Variants in MAPK8 observed in about 807,000 individuals in gnomAD.
MAPK8 encodes the protein mitogen-activated protein kinase 8, also known as JUN N-terminal kinase.
MAPK8 carries 13 observed loss-of-function variants against 52.9 expected under a neutral mutation model. The ratio of observed to expected loss-of-function variants is 0.25; its 90% CI spans 0.16 to 0.39. The LOEUF (loss-of-function observed/expected upper bound fraction) is 0.39, where lower values mean the gene tolerates loss of function less well. MAPK8 is among the 10% of genes least tolerant of loss of function. The probability of loss-of-function intolerance (pLI) is 1.00; values close to 1 mark genes in which losing one functional copy is unlikely to be tolerated. For missense variants in MAPK8, 300 were observed against 519.2 expected (o/e 0.58, Z 4.10); for synonymous variants, 191 against 169.8 (o/e 1.12, Z -0.97).
chr10:48,368,784 C>T (rs759377552), intron 1 of MAPK8, among the ~76,000 whole-genome samples: 5 of 152,154 alleles, frequency 3.3e-5, no homozygotes, highest in African/African-American at 7.2e-5. Context: ...GTAGGAAGTG[C>T]GGCTGGACTT....
chr10:48,316,392 A>G (rs1481360645), intron 1 of MAPK8, among the ~76,000 whole-genome samples: 4 of 152,202 alleles, frequency 2.6e-5, no homozygotes, highest in Non-Finnish European at 5.9e-5. Context: ...AGTAGATTCC[A>G]TGATGTTTGC....
chr10:48,392,632 A>G (rs1021658643), intron 1 of MAPK8, among the ~76,000 whole-genome samples: 1 of 151,958 alleles, frequency 6.6e-6, no homozygotes, highest in African/African-American at 2.4e-5. Flanking sequence ...CTATCTGAGA[A>G]ACCTATTTTC....
intron 1 of MAPK8, among the ~76,000 whole-genome samples, chr10:48,399,627 T>A (rs1175836697): frequency 6.6e-6 from 1 of 152,210 alleles, no homozygotes; most frequent in African/African-American, 2.4e-5. Flanking sequence ...TGCATGCATG[T>A]TCCTGGATCT....
chr10:48,410,189 T>C (rs1350855126), intron 5 of MAPK8, 21 bp downstream of exon 5: 5 of 1,471,002 alleles, frequency 3.4e-6, no homozygotes, highest in East Asian at 2.4e-5. Flanking sequence ...GAAACTATCG[T>C]CATACTCTTT....
intron 1 of MAPK8, among the ~76,000 whole-genome samples, chr10:48,319,419 C>A (rs1393197911): frequency 6.6e-6 from 1 of 151,976 alleles, no homozygotes; most frequent in South Asian, 2.1e-4. Context: ...TTCACACACA[C>A]CCCCTCCTCT....
At chr10:48,426,952 A>G (rs1399935519) in intron 9 of MAPK8, 128 bp from the exon 10 acceptor site, 5 of 646,288 alleles carry the variant, frequency 7.7e-6, no homozygotes, top group Non-Finnish European at 1.1e-5. Context: ...AAGTAAGTTG[A>G]TGATTGATCA....
At chr10:48,349,042 T>C (rs955635551) in intron 1 of MAPK8, among the ~76,000 whole-genome samples, 3 of 151,486 alleles carry the variant, frequency 2.0e-5, no homozygotes, top group African/African-American at 7.3e-5. Context: ...GGGCATTATA[T>C]AATGGTAAAG....
intron 1 of MAPK8, among the ~76,000 whole-genome samples, chr10:48,393,226 G>C (rs916638298): frequency 1.3e-5 from 2 of 151,372 alleles, no homozygotes; most frequent in Admixed American, 1.3e-4. Flanking sequence ...TACTCATCTG[G>C]GATCCAGTTC....
intron 1 of MAPK8, among the ~76,000 whole-genome samples, chr10:48,334,345 C>T (rs1451103749): frequency 4.6e-5 from 7 of 152,182 alleles, no homozygotes; most frequent in Non-Finnish European, 1.0e-4. Context: ...CCCCGAGAAT[C>T]GCTTTGTCTG....
chr10:48,333,214 C>T (rs763835218), intron 1 of MAPK8, among the ~76,000 whole-genome samples: 19 of 152,190 alleles, frequency 1.2e-4, no homozygotes, highest in South Asian at 2.1e-4. Flanking sequence ...TTTGTTGTTA[C>T]GACCAAGTCA....
chr10:48,416,009 C>G (rs954172580), intron 5 of MAPK8, among the ~76,000 whole-genome samples: 5 of 152,134 alleles, frequency 3.3e-5, no homozygotes, highest in Admixed American at 2.6e-4. Context: ...TTGGGAAACT[C>G]TAGAGTGGGG....
intron 9 of MAPK8, 62 bp downstream of exon 9, chr10:48,426,566 GGT>G: frequency 2.0e-6 from 3 of 1,478,692 alleles, no homozygotes; most frequent in Middle Eastern, 1.7e-4. Flanking sequence ...ATGACAGTTA[GGT>G]TTGGAGGAGA....
At chr10:48,431,131 C>A in intron 10 of MAPK8, 62 bp from the exon 11 acceptor site, 1 of 1,006,200 alleles carries the variant, frequency 9.9e-7, no homozygotes, top group East Asian at 2.4e-5. Flanking sequence ...TTAAACCATA[C>A]ATGCGTTGTG....
chr10:48,410,286 C>T lies in MAPK8; in HGVS notation c.450+118C>T, dbSNP rs146454329. ...TACATTCACAGTGCTGTACAACTAC[C>T]ACCCATATTAAATTCTAAAATATTT... On this transcript the variant is annotated intron_variant, in intron 5 of 11. Transcript: ENST00000374189. The T allele has an allele frequency of 4.7e-3, 3,421 of 733,320 alleles. 18 individuals are homozygous for T. The highest frequency in any genetic ancestry group is 5.4e-3 in the Non-Finnish European group (2,675 of 499,000). The allele number at this position is 733,320 out of a possible 1,614,324, so 45.4% of individuals were successfully genotyped here. A position where few individuals can be genotyped will look rare whatever the true frequency, so the allele number is the denominator to read the frequency against.
intron 1 of MAPK8, among the ~76,000 whole-genome samples, chr10:48,364,360 T>C (rs1847839932): frequency 6.6e-6 from 1 of 152,132 alleles, no homozygotes; most frequent in Non-Finnish European, 1.5e-5. Flanking sequence ...AATGGCTCAT[T>C]AGAGCTTATG....
At chr10:48,378,236 A>T (rs921183572) in intron 1 of MAPK8, among the ~76,000 whole-genome samples, 3 of 152,126 alleles carry the variant, frequency 2.0e-5, no homozygotes, top group African/African-American at 7.2e-5. Flanking sequence ...GGGAGGAGGA[A>T]ATGTCTCAGT....
chr10:48,392,399 G>C (rs192497773), intron 1 of MAPK8, among the ~76,000 whole-genome samples: 1 of 152,176 alleles, frequency 6.6e-6, no homozygotes, highest in Non-Finnish European at 1.5e-5. Flanking sequence ...GGGAGCTGTG[G>C]ATGAAAACCT....
At chr10:48,404,265 C>T (rs2042335403) in intron 2 of MAPK8, among the ~76,000 whole-genome samples, 1 of 151,402 alleles carries the variant, frequency 6.6e-6, no homozygotes, top group South Asian at 2.1e-4. Flanking sequence ...CAAGTGATTC[C>T]CTTGCCTTAG....
chr10:48,388,882 C>T (rs759285138), intron 1 of MAPK8, among the ~76,000 whole-genome samples: 4 of 152,004 alleles, frequency 2.6e-5, no homozygotes, highest in Non-Finnish European at 2.9e-5. Flanking sequence ...CAAGATTGGG[C>T]ACTTCATTCA....
Sources: gnomAD v4.1 joint callset for allele counts (sites outside exome capture counted in the v4.1 genomes callset) on GRCh38, gnomAD v4.1.1 for gene constraint, MANE v1.5 for transcripts, NCBI Gene and HGNC (gene_info 2026-07-23, HGNC 2026-07-21) for gene names.